PPARG: variants seen among roughly 807,000 people sequenced by gnomAD.
The protein encoded by PPARG is peroxisome proliferator-activated receptor gamma.
Under a neutral mutation model 39.2 loss-of-function variants are expected in PPARG, and 17 were observed. That is an observed-to-expected ratio of 0.43 (90% CI 0.30 to 0.65). The LOEUF (loss-of-function observed/expected upper bound fraction) is 0.65, where lower values mean the gene tolerates loss of function less well. PPARG is among the 30% of genes least tolerant of loss of function. PPARG has a pLI of 0.13. For synonymous variants in PPARG, 223 were observed against 215.7 expected (o/e 1.03, Z -0.30); for missense variants, 406 against 585.9 (o/e 0.69, Z 3.17).
intron 7 of PPARG, 48 bp downstream of exon 7, chr3:12,417,202 G>C (rs917920966): frequency 6.3e-7 from 1 of 1,584,282 alleles, no homozygotes; most frequent in African/African-American, 1.3e-5. Context: ...GGATGATGGT[G>C]GGGTGGCCAA....
intron 6 of PPARG, among the ~76,000 whole-genome samples, chr3:12,408,272 A>G (rs1172799056): frequency 6.6e-6 from 1 of 152,202 alleles, no homozygotes; most frequent in South Asian, 2.1e-4. Context: ...CATATTCACA[A>G]TTGGAAAATT....
chr3:12,408,628 T>C (rs1019334428), intron 6 of PPARG, among the ~76,000 whole-genome samples: 1 of 150,084 alleles, frequency 6.7e-6, no homozygotes, highest in African/African-American at 2.5e-5. Flanking sequence ...GAGTGTCTTC[T>C]TATATTGGTC....
rs575274296 is a variant in PPARG at position 12,291,016 on chromosome 3, C to T, written c.-83+1882C>T. Among the ~76,000 whole-genome samples the T allele has an allele frequency of 7.2e-5, 11 of 152,192 alleles. 1 individual carries two copies. In the South Asian group the frequency reaches 1.9e-3, roughly 26 times the overall value. Reference sequence around the variant, plus strand: ...ATTGTGGGTGTCTTTCTGCTGGATTCGTTGTCACTTGGACTTGGAAATACA... The same window carrying T: ...ATTGTGGGTGTCTTTCTGCTGGATTTGTTGTCACTTGGACTTGGAAATACA... On this transcript the variant is annotated intron_variant, in intron 1 of 7. Coordinates refer to ENST00000651735, the MANE Select transcript of PPARG (RefSeq NM_138711.6).
chr3:12,377,582 G>A (rs2049464038), intron 2 of PPARG, among the ~76,000 whole-genome samples: 1 of 152,044 alleles, frequency 6.6e-6, no homozygotes, highest in Admixed American at 6.6e-5. Context: ...TAAAGAAGAA[G>A]TTCATTTACC....
intron 2 of PPARG, among the ~76,000 whole-genome samples, chr3:12,351,319 C>T (rs1335405690): frequency 6.6e-6 from 1 of 152,126 alleles, no homozygotes; most frequent in African/African-American, 2.4e-5. Flanking sequence ...CAATATTTTC[C>T]CTGTAATGTA....
At chr3:12,395,983 A>G (rs2050242863) in intron 5 of PPARG, among the ~76,000 whole-genome samples, 1 of 152,202 alleles carries the variant, frequency 6.6e-6, no homozygotes, top group Non-Finnish European at 1.5e-5. Context: ...AAAAAGACTC[A>G]TGGATAATGT....
intron 2 of PPARG, chr3:12,371,868 T>C: frequency 1.4e-6 from 1 of 695,924 alleles, no homozygotes. Flanking sequence ...GGATGATTCT[T>C]GTCTCTGGAT....
chr3:12,404,557 A>G (rs1266481340), intron 5 of PPARG, among the ~76,000 whole-genome samples: 3 of 152,182 alleles, frequency 2.0e-5, no homozygotes, highest in African/African-American at 7.2e-5. Flanking sequence ...TAACCCCAAC[A>G]CTTTGGGAGG....
chr3:12,336,060 G>A (rs1016618280), intron 2 of PPARG, among the ~76,000 whole-genome samples: 1 of 152,112 alleles, frequency 6.6e-6, no homozygotes, highest in African/African-American at 2.4e-5. Flanking sequence ...TGGGTAAGGA[G>A]GTATATGCCC....
At chr3:12,424,972 T>C (rs576977469) in intron 7 of PPARG, among the ~76,000 whole-genome samples, 29 of 152,328 alleles carry the variant, frequency 1.9e-4, no homozygotes, top group African/African-American at 6.7e-4. Context: ...TATGATATGA[T>C]TTGAAGCAGC....
At chr3:12,317,465 C>T (rs2047420651) in intron 2 of PPARG, among the ~76,000 whole-genome samples, 1 of 152,128 alleles carries the variant, frequency 6.6e-6, no homozygotes, top group South Asian at 2.1e-4. Context: ...CCCTCAGCCT[C>T]TTTCACTGTT....
chr3:12,351,650 A>G, intron 2 of PPARG: 1 of 1,610,758 alleles, frequency 6.2e-7, no homozygotes, highest in East Asian at 2.2e-5. Context: ...CTTCACTGAT[A>G]CACTGTCTGC....
At chr3:12,382,946 G>A (rs780687637) in intron 4 of PPARG, among the ~76,000 whole-genome samples, 42 of 152,038 alleles carry the variant, frequency 2.8e-4, no homozygotes, top group Non-Finnish European at 4.9e-4. Context: ...ACTCCAGCCT[G>A]GGTCACAAAA....
At chr3:12,425,104 A>C (rs2051392537) in intron 7 of PPARG, among the ~76,000 whole-genome samples, 1 of 152,118 alleles carries the variant, frequency 6.6e-6, no homozygotes, top group Admixed American at 6.6e-5. Context: ...CTATCGCTTT[A>C]AGGGGATTAG....
chr3:12,351,892 A>G (rs1424186062), intron 2 of PPARG, among the ~76,000 whole-genome samples: 1 of 152,212 alleles, frequency 6.6e-6, no homozygotes, highest in East Asian at 1.9e-4. Flanking sequence ...ATCTCTGTGC[A>G]TGGCTCCCAT....
chr3:12,371,413 T>C (rs1022551080), intron 2 of PPARG, among the ~76,000 whole-genome samples: 20 of 152,346 alleles, frequency 1.3e-4, no homozygotes, highest in African/African-American at 4.1e-4. Context: ...CTTACTTTAT[T>C]AGACTATTCA....
intron 2 of PPARG, among the ~76,000 whole-genome samples, chr3:12,365,312 T>G (rs973134009): frequency 3.3e-5 from 5 of 152,194 alleles, no homozygotes; most frequent in Admixed American, 3.3e-4. Context: ...TACAGATACA[T>G]TCTCCCCATC....
intron 5 of PPARG, among the ~76,000 whole-genome samples, chr3:12,400,029 T>C (rs1327472611): frequency 6.6e-6 from 1 of 151,896 alleles, no homozygotes; most frequent in African/African-American, 2.4e-5. Flanking sequence ...AAACAACTTA[T>C]TGGCAATAGC....
intron 5 of PPARG, among the ~76,000 whole-genome samples, chr3:12,399,820 C>CAAAAA (rs36025945): frequency 9.7e-6 from 1 of 103,234 alleles, no homozygotes; most frequent in Non-Finnish European, 1.9e-5. Flanking sequence ...CCATGTCTAC[C>CAAAAA]AAAAAAAAAA....
Sources: gnomAD v4.1 joint callset for allele counts (sites outside exome capture counted in the v4.1 genomes callset) on GRCh38, gnomAD v4.1.1 for gene constraint, MANE v1.5 for transcripts, NCBI Gene and HGNC (gene_info 2026-07-23, HGNC 2026-07-21) for gene names.